The following THADA variants were observed in gnomAD, a reference collection of about 807,000 sequenced individuals.
The protein encoded by THADA is tRNA (32-2'-O)-methyltransferase regulator THADA.
Under a neutral mutation model 219.8 loss-of-function variants are expected in THADA, and 213 were observed. The observed-to-expected ratio is 0.97, with a 90% confidence interval of 0.87 to 1.09. The LOEUF is 1.09. Ranked by LOEUF, THADA falls within the 50% of genes least tolerant of loss-of-function variation. The probability of loss-of-function intolerance (pLI) is 0.00; values close to 1 mark genes in which losing one functional copy is unlikely to be tolerated. For missense variants in THADA, 2,956 were observed against 2,311.3 expected, an observed-to-expected ratio of 1.28 and a Z score of -5.72; for synonymous variants, 1,018 against 828.9, an observed-to-expected ratio of 1.23 and a Z score of -3.92.
rs1239159878 is a variant in THADA, at chr2:43,403,183, CA to C, written c.4059-5045del. Among the ~76,000 whole-genome samples, 8 of 152,318 alleles carry C rather than the reference CA, an allele frequency of 5.3e-5. No homozygotes were observed. In the East Asian group the frequency reaches 1.4e-3, roughly 26 times the overall value. ...TTAGGGTCTGTCTACCTACAAAATTCAGTCTTTCTAAGACTTTACAACGCAG... is the reference window on the plus strand; with the variant it reads ...TTAGGGTCTGTCTACCTACAAAATTCGTCTTTCTAAGACTTTACAACGCAG... On this transcript the variant is annotated intron_variant, in intron 28 of 37. Coordinates refer to ENST00000405975, the MANE Select transcript of THADA (RefSeq NM_022065.5).
chr2:43,313,704 C>A (rs906708691), intron 31 of THADA, among the ~76,000 whole-genome samples: 1 of 152,192 alleles, frequency 6.6e-6, no homozygotes, highest in Non-Finnish European at 1.5e-5. Flanking sequence ...AAGCCTGTGA[C>A]GTGGAAGCTC....
At chr2:43,319,426 G>A (rs943790133) in intron 31 of THADA, among the ~76,000 whole-genome samples, 12 of 152,296 alleles carry the variant, frequency 7.9e-5, no homozygotes, top group Admixed American at 7.8e-4. Context: ...TGAGAGTCTA[G>A]CACGTTCTTA....
intron 36 of THADA, among the ~76,000 whole-genome samples, chr2:43,257,338 C>T (rs1300982386): frequency 6.6e-6 from 1 of 152,220 alleles, no homozygotes. Flanking sequence ...TGTCTCTAAC[C>T]CCAAACCCTG....
chr2:43,497,959 T>C (rs1688479323), intron 25 of THADA, among the ~76,000 whole-genome samples: 1 of 152,228 alleles, frequency 6.6e-6, no homozygotes, highest in South Asian at 2.1e-4. Context: ...GGCACGCTTA[T>C]ATCTATGTAA....
intron 21 of THADA, 23 bp downstream of exon 21, chr2:43,541,136 G>T (rs569517111): frequency 6.7e-7 from 1 of 1,496,074 alleles, no homozygotes; most frequent in East Asian, 2.5e-5. Context: ...AATTATACAT[G>T]GTGGAATAAA....
intron 31 of THADA, among the ~76,000 whole-genome samples, chr2:43,301,874 A>C (rs1676304105): frequency 6.6e-6 from 1 of 152,146 alleles, no homozygotes; most frequent in Non-Finnish European, 1.5e-5. Context: ...TCCCTGGTGC[A>C]ACAACGTTTG....
intron 20 of THADA, among the ~76,000 whole-genome samples, chr2:43,542,430 T>TA (rs1269628740): frequency 6.6e-6 from 1 of 152,206 alleles, no homozygotes; most frequent in African/African-American, 2.4e-5. Flanking sequence ...TTTAAAAATT[T>TA]AAGTGTGGAG....
rs369837115 is a variant in THADA at position 43,286,965 on chromosome 2, C to T, written c.5107G>A (p.Val1703Ile). Residue 1703 changes from valine (V) to isoleucine (I), a missense_variant, in exon 35 of 38, where the codon GTT (valine) becomes ATT (isoleucine). Physicochemically the swap from Val to Ile is conservative, Grantham distance 29 (BLOSUM62 3). Transcript: ENST00000405975. ...HLPTESRLAV[V>I]EVLTSTTPLF... is the part of the protein sequence containing the mutation. ...GGTGTAGTACTGGTGAGGACTTCAA[C>T]GACGGCCAGCCTAGACTCTGTAGGA... 60 of 1,613,810 alleles carry T rather than the reference C, an allele frequency of 3.7e-5. No homozygotes were observed. Among genetic ancestry groups the T allele is most frequent in the African/African-American group, 1.5e-4 (11 of 74,902 alleles).
At chr2:43,484,945 AAAAAAAAAC>A in intron 26 of THADA, among the ~76,000 whole-genome samples, 1 of 150,912 alleles carries the variant, frequency 6.6e-6, no homozygotes, top group East Asian at 1.9e-4. Flanking sequence ...GCAATTAAAA[AAAAAAAAAC>A]AAAAAAAACA....
chr2:43,454,369 G>A (rs1682726471), intron 26 of THADA, among the ~76,000 whole-genome samples: 1 of 152,124 alleles, frequency 6.6e-6, no homozygotes, highest in African/African-American at 2.4e-5. Context: ...GGGAGGCTGA[G>A]GTGGGAGAAT....
At chr2:43,292,578 A>T (rs1674860938) in intron 32 of THADA, among the ~76,000 whole-genome samples, 1 of 152,172 alleles carries the variant, frequency 6.6e-6, no homozygotes, top group Non-Finnish European at 1.5e-5. Context: ...AAACATCCCA[A>T]AGTGGTTTGC....
intron 26 of THADA, chr2:43,430,754 T>C (rs1275923702): frequency 1.3e-5 from 5 of 394,306 alleles, no homozygotes; most frequent in Non-Finnish European, 5.2e-6. Context: ...GGGACTGTCC[T>C]ACACATTGTG....
In THADA at chr2:43,399,053, T is replaced by C. The variant is rs77992145; in HGVS notation, c.4059-914A>G. On this transcript the variant is annotated intron_variant, in intron 28 of 37. Coordinates refer to ENST00000405975, the MANE Select transcript of THADA (RefSeq NM_022065.5). ...TCAACTTCACAAACAATCAGAAACT[T>C]AAAGGCCATAACCATTTTGCTGAAA... Among the ~76,000 whole-genome samples, 992 of 152,302 alleles carry C rather than the reference T, an allele frequency of 6.5e-3. 9 individuals are homozygous for C. The highest frequency in any genetic ancestry group is 0.044 in the Middle Eastern group (13 of 294).
chr2:43,361,315 C>T (rs1470979224), intron 29 of THADA, among the ~76,000 whole-genome samples: 2 of 152,220 alleles, frequency 1.3e-5, no homozygotes, highest in African/African-American at 2.4e-5. Context: ...TCTCATATCC[C>T]ATGAGGTTGC....
chr2:43,319,812 G>A (rs1678484973), intron 31 of THADA, among the ~76,000 whole-genome samples: 1 of 152,018 alleles, frequency 6.6e-6, no homozygotes, highest in African/African-American at 2.4e-5. Context: ...CCGTGGCCTG[G>A]AATTCATGTA....
intron 26 of THADA, among the ~76,000 whole-genome samples, chr2:43,449,228 G>C (rs1681993253): frequency 6.6e-6 from 1 of 152,082 alleles, no homozygotes; most frequent in African/African-American, 2.4e-5. Flanking sequence ...AGTAGGTAAA[G>C]GAAATAATCA....
intron 36 of THADA, among the ~76,000 whole-genome samples, chr2:43,234,624 A>G (rs1667814929): frequency 6.6e-6 from 1 of 152,120 alleles, no homozygotes; most frequent in African/African-American, 2.4e-5. Flanking sequence ...TAGAGAAGGG[A>G]TAATTAAGTG....
chr2:43,253,331 T>G (rs933637197), intron 36 of THADA, among the ~76,000 whole-genome samples: 1 of 151,908 alleles, frequency 6.6e-6, no homozygotes. Context: ...TGAGTTTGAA[T>G]TGGGGAGGAT....
At chr2:43,595,744 A>G (rs1458690622) in intron 1 of THADA, 187 bp downstream of exon 1, 2 of 152,370 alleles carry the variant, frequency 1.3e-5, no homozygotes, top group African/African-American at 4.8e-5. Flanking sequence ...TCGAGGAATG[A>G]CAGTGGGAGA....
Sources: allele counts gnomAD v4.1 joint callset (sites outside exome capture counted in the v4.1 genomes callset), GRCh38; gene constraint gnomAD v4.1.1; transcripts MANE v1.5; gene names NCBI Gene and HGNC (gene_info 2026-07-23, HGNC 2026-07-21).